The following TSHZ2 variants were observed in gnomAD, a reference collection of about 807,000 sequenced individuals.
The protein encoded by TSHZ2 is teashirt homolog 2.
A neutral mutation model predicts 74.4 loss-of-function variants in TSHZ2; 21 were observed. The ratio of observed to expected loss-of-function variants is 0.28; its 90% confidence interval spans 0.20 to 0.41. The LOEUF (loss-of-function observed/expected upper bound fraction) is 0.41, where lower values mean the gene tolerates loss of function less well. TSHZ2 is among the 10% of genes least tolerant of loss of function. The pLI is 1.00. For synonymous variants in TSHZ2, 540 were observed against 515.3 expected (o/e 1.05, Z -0.65); for missense variants, 1,244 against 1,293.5 (o/e 0.96, Z 0.59).
chr20:52,993,412 A>T (rs188859409), intron 1 of TSHZ2, among the ~76,000 whole-genome samples: 1 of 152,248 alleles, frequency 6.6e-6, no homozygotes, highest in African/African-American at 2.4e-5. Context: ...CAAACGTGTA[A>T]CAATGCACTG....
intron 1 of TSHZ2, among the ~76,000 whole-genome samples, chr20:53,007,281 G>A (rs1568716439): frequency 6.6e-6 from 1 of 152,214 alleles, no homozygotes; most frequent in Non-Finnish European, 1.5e-5. Context: ...TGCATGGACA[G>A]AGGAAGGTTG....
chr20:53,410,587 C>CATTATTATTATT (rs71194476), intron 2 of TSHZ2, among the ~76,000 whole-genome samples: 4,504 of 141,800 alleles, frequency 0.032, 104 homozygotes, highest in Middle Eastern at 0.048. Context: ...ATTATCGTCA[C>CATTATTATTATT]ATTATTATTA....
Position 53,255,338 on chromosome 20 carries a change from G to A in TSHZ2, c.1880G>A (p.Ser627Asn). The change falls in exon 2 of 3, where the codon AGC becomes AAC. Residue 627 changes from serine (S) to asparagine (N), a missense_variant. By Grantham distance (46) the Ser-to-Asn change is conservative. Transcript: ENST00000371497. The surrounding 1 kb of genome is among the most constrained non-coding windows in gnomAD (Gnocchi z 4.1). ...CCCCACGAAGAGGCCTCATCTTTCAGCCACAGTGAGGGCGATTCTTTCCGC... is the reference window on the plus strand; with the variant it reads ...CCCCACGAAGAGGCCTCATCTTTCAACCACAGTGAGGGCGATTCTTTCCGC... The part of the protein sequence containing the change: ...ESPHEEASSF[S>N]HSEGDSFRKS... 5 of 1,614,042 alleles carry A rather than the reference G, an allele frequency of 3.1e-6. No individual in the cohort carries two copies. In the South Asian group the frequency reaches 4.4e-5, roughly 14 times the overall value.
chr20:53,422,649 CCT>C (rs1422426359), intron 2 of TSHZ2, among the ~76,000 whole-genome samples: 1 of 152,132 alleles, frequency 6.6e-6, no homozygotes, highest in African/African-American at 2.4e-5. Flanking sequence ...GCCGGCCAGG[CCT>C]CTCATTACCA....
At chr20:53,480,690 C>A (rs1365021297) in intron 2 of TSHZ2, among the ~76,000 whole-genome samples, 3 of 152,132 alleles carry the variant, frequency 2.0e-5, no homozygotes, top group African/African-American at 7.2e-5. Flanking sequence ...CACTAAATGC[C>A]AGCAGTGCCC....
intron 2 of TSHZ2, among the ~76,000 whole-genome samples, chr20:53,460,367 C>T (rs887332555): frequency 3.0e-4 from 45 of 152,344 alleles, no homozygotes; most frequent in Middle Eastern, 3.4e-3. Context: ...GCATTCTTCA[C>T]GTAGTTCTCC....
intron 1 of TSHZ2, among the ~76,000 whole-genome samples, chr20:52,988,524 A>G (rs1311773121): frequency 6.6e-6 from 1 of 152,078 alleles, no homozygotes; most frequent in Non-Finnish European, 1.5e-5. Flanking sequence ...GTATAGATAC[A>G]TGGAGGCTAA....
chr20:53,249,300 G>A (rs1990271395), intron 1 of TSHZ2, among the ~76,000 whole-genome samples: 1 of 152,190 alleles, frequency 6.6e-6, no homozygotes, highest in Admixed American at 6.5e-5. Context: ...CCTTTTTACT[G>A]TGTAATCTAT....
At chr20:53,013,003 T>C (rs1209955840) in intron 1 of TSHZ2, among the ~76,000 whole-genome samples, 4 of 152,208 alleles carry the variant, frequency 2.6e-5, no homozygotes, top group African/African-American at 9.6e-5. Context: ...TATCCCTTTA[T>C]GATCTCAGAA....
chr20:53,208,160 A>G (rs1464141172), intron 1 of TSHZ2, among the ~76,000 whole-genome samples: 1 of 152,188 alleles, frequency 6.6e-6, no homozygotes, highest in Non-Finnish European at 1.5e-5. Context: ...CCCTAAGACC[A>G]ATTTCTTTGG....
At chr20:53,272,044 G>T (rs1469437497) in intron 2 of TSHZ2, among the ~76,000 whole-genome samples, 2 of 151,706 alleles carry the variant, frequency 1.3e-5, no homozygotes, top group Admixed American at 1.3e-4. Flanking sequence ...ACGGAGTCTT[G>T]TTCTGTTGCC....
chr20:53,259,720 G>A (rs1254264692), intron 2 of TSHZ2, among the ~76,000 whole-genome samples: 4 of 152,172 alleles, frequency 2.6e-5, no homozygotes, highest in South Asian at 2.1e-4. Flanking sequence ...AATACAGAAC[G>A]GATGTCCAGT....
intron 1 of TSHZ2, among the ~76,000 whole-genome samples, chr20:53,002,025 C>T (rs988003205): frequency 2.0e-5 from 3 of 152,134 alleles, no homozygotes; most frequent in South Asian, 2.1e-4. Context: ...CACAACCAAC[C>T]CAGGGAGGAA....
chr20:53,268,537 T>C lies in TSHZ2; in HGVS notation c.*8+11966T>C, dbSNP rs77087950. ...AAGCATGTGCGGGATGGAACCGGTC[T>C]TCCTGGGCTTACATCTTTGCTTTGC... On this transcript the variant is annotated intron_variant, in intron 2 of 2. Transcript: ENST00000371497. Among the ~76,000 whole-genome samples, 1,125 of 152,326 alleles carry C rather than the reference T, an allele frequency of 7.4e-3. 19 individuals are homozygous for C. Among genetic ancestry groups the C allele is most frequent in the African/African-American group, 0.026 (1,077 of 41,572 alleles).
chr20:53,104,197 C>G (rs1334377512), intron 1 of TSHZ2, among the ~76,000 whole-genome samples: 1 of 147,408 alleles, frequency 6.8e-6, no homozygotes, highest in Admixed American at 6.9e-5. Context: ...CTCAAGTCAC[C>G]TGAATACATC....
At chr20:53,472,871 TTTCC>T (rs1319337490) in intron 2 of TSHZ2, among the ~76,000 whole-genome samples, 1 of 152,022 alleles carries the variant, frequency 6.6e-6, no homozygotes, top group Non-Finnish European at 1.5e-5. Context: ...GGGAGTTCCC[TTTCC>T]GAGTCAAAGA....
chr20:53,132,480 A>G (rs572431237), intron 1 of TSHZ2, among the ~76,000 whole-genome samples: 2 of 152,046 alleles, frequency 1.3e-5, no homozygotes, highest in African/African-American at 4.8e-5. Context: ...GGGTTTCCCT[A>G]TGTTGGCCAG....
At chr20:53,134,675 C>A (rs916002491) in intron 1 of TSHZ2, among the ~76,000 whole-genome samples, 1 of 152,178 alleles carries the variant, frequency 6.6e-6, no homozygotes, top group African/African-American at 2.4e-5. Context: ...CATAGCTACA[C>A]GGACAACTCG....
At chr20:53,050,864 T>C (rs998769556) in intron 1 of TSHZ2, among the ~76,000 whole-genome samples, 9 of 152,214 alleles carry the variant, frequency 5.9e-5, no homozygotes, top group Non-Finnish European at 1.0e-4. Context: ...CCAGAATACA[T>C]AGGATGTTGG....
Sources: gnomAD v4.1 joint callset for allele counts (sites outside exome capture counted in the v4.1 genomes callset) on GRCh38, gnomAD v4.1.1 for gene constraint, Gnocchi (gnomAD v3.1) non-coding constraint, MANE v1.5 for transcripts, NCBI Gene and HGNC (gene_info 2026-07-23, HGNC 2026-07-21) for gene names.